The following CDC42BPA variants were observed in gnomAD, a reference collection of about 807,000 sequenced individuals.
CDC42BPA encodes the protein serine/threonine-protein kinase MRCK alpha.
CDC42BPA carries 80 observed loss-of-function variants against 223.5 expected under a neutral mutation model. That is an observed-to-expected ratio of 0.36 (90% CI 0.30 to 0.43). The LOEUF (loss-of-function observed/expected upper bound fraction) is 0.43, where lower values mean the gene tolerates loss of function less well. Among genes scored for constraint, CDC42BPA ranks in the 20% least tolerant of loss-of-function variants. CDC42BPA has a pLI of 1.00. For synonymous variants in CDC42BPA, 694 were observed against 718.6 expected (o/e 0.97, Z 0.55); for missense variants, 1,743 against 2,099.9 (o/e 0.83, Z 3.32).
intron 1 of CDC42BPA, among the ~76,000 whole-genome samples, chr1:227,289,330 T>C (rs1689315604): frequency 1.3e-5 from 2 of 152,182 alleles, no homozygotes; most frequent in Admixed American, 1.3e-4. Flanking sequence ...TGTTCCTTTT[T>C]CCATCTTAAG....
At chr1:227,282,928 C>A (rs1431543216) in intron 1 of CDC42BPA, among the ~76,000 whole-genome samples, 3 of 152,006 alleles carry the variant, frequency 2.0e-5, no homozygotes, top group Non-Finnish European at 4.4e-5. Flanking sequence ...GATGGTTGCA[C>A]AACAATGTGT....
At chr1:227,167,057 T>G (rs1219635277) in intron 5 of CDC42BPA, among the ~76,000 whole-genome samples, 1 of 152,182 alleles carries the variant, frequency 6.6e-6, no homozygotes, top group African/African-American at 2.4e-5. Flanking sequence ...CTATTCTCTG[T>G]ACAAATAATT....
At chr1:227,211,908 T>C (rs1166072615) in intron 3 of CDC42BPA, among the ~76,000 whole-genome samples, 1 of 152,060 alleles carries the variant, frequency 6.6e-6, no homozygotes, top group Non-Finnish European at 1.5e-5. Flanking sequence ...ATCTCCTAAA[T>C]ATATAAAAAC....
intron 23 of CDC42BPA, among the ~76,000 whole-genome samples, chr1:227,046,912 T>C (rs991243559): frequency 7.2e-5 from 11 of 152,188 alleles, no homozygotes; most frequent in African/African-American, 2.7e-4. Flanking sequence ...GTTTTTAGCA[T>C]ACTGTTACTA....
chr1:227,243,891 A>T (rs1680443542), intron 2 of CDC42BPA, among the ~76,000 whole-genome samples: 1 of 152,086 alleles, frequency 6.6e-6, no homozygotes, highest in Non-Finnish European at 1.5e-5. Flanking sequence ...CAAAATGTGT[A>T]CTTCATGGAA....
chr1:227,088,096 C>A (rs1358310444), intron 16 of CDC42BPA, among the ~76,000 whole-genome samples: 1 of 152,106 alleles, frequency 6.6e-6, no homozygotes, highest in East Asian at 1.9e-4. Context: ...GCATTATTAC[C>A]AAATAAAAGC....
intron 8 of CDC42BPA, 43 bp downstream of exon 8, chr1:227,145,446 A>C (rs202148969): frequency 6.4e-7 from 1 of 1,564,614 alleles, no homozygotes; most frequent in African/African-American, 1.4e-5. Context: ...ACCATAGTAG[A>C]AAGAAACAGA....
At chr1:227,007,899 G>A (rs1450909366) in intron 34 of CDC42BPA, among the ~76,000 whole-genome samples, 1 of 152,102 alleles carries the variant, frequency 6.6e-6, no homozygotes, top group Non-Finnish European at 1.5e-5. Context: ...TTTACTAAAC[G>A]TCCTCATACT....
rs553381722 is a variant in CDC42BPA at position 227,250,413 on chromosome 1, G to A, written c.270+3651C>T. Among the ~76,000 whole-genome samples, 11 of 151,860 alleles carry A rather than the reference G, an allele frequency of 7.2e-5. No individual in the cohort carries two copies. In the South Asian group the frequency reaches 1.0e-3, roughly 14 times the overall value. On this transcript the variant is annotated intron_variant, in intron 2 of 36. Transcript: ENST00000366766. ...TGAGGCAGGAGAATCACTTGAACCCGGGTGGCAGTGGTTGCAGTGAGCCAA... is the reference window on the plus strand; with the variant it reads ...TGAGGCAGGAGAATCACTTGAACCCAGGTGGCAGTGGTTGCAGTGAGCCAA...
intron 22 of CDC42BPA, among the ~76,000 whole-genome samples, chr1:227,048,480 T>C (rs983967346): frequency 3.3e-5 from 5 of 151,924 alleles, no homozygotes; most frequent in Admixed American, 6.6e-5. Flanking sequence ...TGTGAATACA[T>C]AGACAGAGAC....
intron 21 of CDC42BPA, among the ~76,000 whole-genome samples, chr1:227,061,794 A>G (rs1185455923): frequency 6.6e-6 from 1 of 152,114 alleles, no homozygotes; most frequent in Non-Finnish European, 1.5e-5. Context: ...CCTTTCTTCA[A>G]TGGAGATTCC....
chr1:227,023,333 G>A lies in CDC42BPA; in HGVS notation c.4545C>T (p.Asn1515=). The A allele has an allele frequency of 6.5e-7, 1 of 1,536,528 alleles. No individual in the cohort carries two copies. ...TLPLKKVRPL[N]NEGSLNLLGL... ...CTAAAAGATTTAATGATCCTTCATT[G>A]TTTAAGGGTCGAACCTAAAATAAAA... is the stretch of plus-strand genomic sequence containing the variant. The change falls in exon 32 of 37, where the codon AAC becomes AAT. Residue 1515 remains asparagine (N), a synonymous_variant. Transcript: ENST00000366766.
At chr1:227,088,326 A>G (rs1682381398) in intron 16 of CDC42BPA, among the ~76,000 whole-genome samples, 1 of 152,200 alleles carries the variant, frequency 6.6e-6, no homozygotes, top group South Asian at 2.1e-4. Flanking sequence ...TTCATTTTTC[A>G]TGTTTGAAAA....
At chr1:227,270,549 C>T (rs994873655) in intron 1 of CDC42BPA, among the ~76,000 whole-genome samples, 2 of 152,130 alleles carry the variant, frequency 1.3e-5, no homozygotes, top group African/African-American at 4.8e-5. Context: ...GAACCTAGGT[C>T]ATGAGTTGTT....
chr1:227,127,324 A>C (rs1227110737), intron 11 of CDC42BPA, among the ~76,000 whole-genome samples: 1 of 152,190 alleles, frequency 6.6e-6, no homozygotes, highest in East Asian at 1.9e-4. Context: ...GCTAACAAAG[A>C]AGCTCACAAC....
chr1:227,115,883 A>G (rs180981424), intron 12 of CDC42BPA, among the ~76,000 whole-genome samples: 6 of 151,856 alleles, frequency 4.0e-5, no homozygotes, highest in East Asian at 1.9e-4. Context: ...AAAAAAAAAA[A>G]CACGTCAATC....
chr1:227,188,413 GGA>G (rs1669186101), intron 5 of CDC42BPA, among the ~76,000 whole-genome samples: 4 of 26,986 alleles, frequency 1.5e-4, no homozygotes, highest in South Asian at 8.2e-4. Context: ...AGAGAGAGAG[GGA>G]AAAAAAAAAA....
At chr1:227,233,252 T>C (rs1157481610) in intron 2 of CDC42BPA, among the ~76,000 whole-genome samples, 1 of 152,206 alleles carries the variant, frequency 6.6e-6, no homozygotes, top group African/African-American at 2.4e-5. Flanking sequence ...TTGGCCAGGA[T>C]GGTCTCAATC....
intron 11 of CDC42BPA, among the ~76,000 whole-genome samples, chr1:227,124,417 A>G (rs1689179077): frequency 6.6e-6 from 1 of 151,862 alleles, no homozygotes; most frequent in Non-Finnish European, 1.5e-5. Flanking sequence ...CTTCAGAGGT[A>G]TATATTATTC....
Sources: allele counts gnomAD v4.1 joint callset (sites outside exome capture counted in the v4.1 genomes callset), GRCh38; gene constraint gnomAD v4.1.1; transcripts MANE v1.5; gene names NCBI Gene and HGNC (gene_info 2026-07-23, HGNC 2026-07-21).